The following ELAVL3 variants were observed in gnomAD, a reference collection of about 807,000 sequenced individuals.
The protein encoded by ELAVL3 is ELAV-like protein 3.
ELAVL3 carries 8 observed loss-of-function variants against 34.2 expected under a neutral mutation model. The observed-to-expected ratio is 0.23, with a 90% CI of 0.14 to 0.42. ELAVL3 has a LOEUF of 0.42. Among genes scored for constraint, ELAVL3 ranks in the 10% least tolerant of loss-of-function variants. The pLI is 1.00. For synonymous variants in ELAVL3, 209 were observed against 222.1 expected (o/e 0.94, Z 0.53); for missense variants, 273 against 518.8 (o/e 0.53, Z 4.60).
intron 1 of ELAVL3, among the ~76,000 whole-genome samples, chr19:11,469,116 C>T (rs113354276): frequency 0.011 from 1,734 of 152,006 alleles, 32 homozygotes; most frequent in African/African-American, 0.039. Flanking sequence ...TTAGTAGAGA[C>T]GGGGTTTTGG....
At chr19:11,461,179 T>TA (rs555482832) in intron 3 of ELAVL3, among the ~76,000 whole-genome samples, 6,325 of 143,086 alleles carry the variant, frequency 0.044, 178 homozygotes, top group East Asian at 0.14. Flanking sequence ...ACCCTGTCTC[T>TA]AAAAAAAAAA....
chr19:11,469,302 C>A (rs970500892), intron 1 of ELAVL3, among the ~76,000 whole-genome samples: 1 of 151,432 alleles, frequency 6.6e-6, no homozygotes, highest in South Asian at 2.1e-4. Context: ...GGAGGGGGGA[C>A]GGAGTTTCGC....
chr19:11,468,778 A>T (rs1162263705), intron 1 of ELAVL3, among the ~76,000 whole-genome samples: 1 of 152,008 alleles, frequency 6.6e-6, no homozygotes, highest in Non-Finnish European at 1.5e-5. Context: ...GCCAAACATG[A>T]TCTTTGCTAT....
chr19:11,455,679 C>T (rs933737589), intron 6 of ELAVL3, among the ~76,000 whole-genome samples: 2 of 152,120 alleles, frequency 1.3e-5, no homozygotes, highest in African/African-American at 4.8e-5. Flanking sequence ...GCAATCCTAC[C>T]ACCTTGGAGT....
chr19:11,478,495 C>G (rs2144918140), intron 1 of ELAVL3, among the ~76,000 whole-genome samples: 1 of 152,182 alleles, frequency 6.6e-6, no homozygotes, highest in South Asian at 2.1e-4. Flanking sequence ...GCGACTGGCC[C>G]CAGACAGAGA....
chr19:11,457,070 A>G (rs1427191968), intron 6 of ELAVL3, 40 bp downstream of exon 6: 20 of 1,022,184 alleles, frequency 2.0e-5, no homozygotes, highest in Non-Finnish European at 2.6e-5. Flanking sequence ...AGGGGCATGG[A>G]TGGTGAGGGG....
chr19:11,472,611 G>A (rs1328301449), intron 1 of ELAVL3, among the ~76,000 whole-genome samples: 1 of 151,586 alleles, frequency 6.6e-6, no homozygotes, highest in East Asian at 1.9e-4. Flanking sequence ...TGAGACAGGA[G>A]GATCACTTGA....
At chr19:11,468,134 T>G (rs1012174303) in intron 1 of ELAVL3, among the ~76,000 whole-genome samples, 14 of 152,160 alleles carry the variant, frequency 9.2e-5, no homozygotes, top group East Asian at 1.9e-4. Context: ...CTAAACATAT[T>G]TATTTGCCTC....
rs1031855535 is a variant in ELAVL3, at chr19:11,451,452, GTTC to G, written c.*3071_*3073del. On this transcript the variant is annotated 3_prime_UTR_variant, in exon 7 of 7. Coordinates refer to ENST00000359227, the MANE Select transcript of ELAVL3 (RefSeq NM_001420.4). Reference sequence around the variant, plus strand: ...AAATAGTCTAAACGCAACGCGAAGTGTTCTTGTTGGGTTTTTTTTTTTTTTTTG... The same window carrying G: ...AAATAGTCTAAACGCAACGCGAAGTGTTGTTGGGTTTTTTTTTTTTTTTTG... The G allele has an allele frequency of 9.4e-6, 1 of 106,284 alleles. No individual in the cohort carries two copies. The highest frequency in any genetic ancestry group is 1.9e-5 in the Non-Finnish European group (1 of 52,268). 6.6% of individuals were successfully genotyped at this position (106,284 alleles called of 1,614,324 possible). A position where few individuals can be genotyped will look rare whatever the true frequency, so the allele number is the denominator to read the frequency against.
chr19:11,456,811 GC>G (rs962635949), intron 6 of ELAVL3, among the ~76,000 whole-genome samples: 5 of 152,144 alleles, frequency 3.3e-5, no homozygotes, highest in African/African-American at 1.2e-4. Context: ...CTACAGGCAT[GC>G]ACCACCGTAT....
intron 3 of ELAVL3, among the ~76,000 whole-genome samples, chr19:11,464,119 CTCTG>C (rs1568381877): frequency 7.9e-6 from 1 of 125,814 alleles, no homozygotes; most frequent in Non-Finnish European, 1.6e-5. Flanking sequence ...CTCTGTCTCT[CTCTG>C]TCTCTCTCTC....
intron 1 of ELAVL3, among the ~76,000 whole-genome samples, chr19:11,478,490 T>G (rs1003769719): frequency 1.3e-5 from 2 of 152,162 alleles, no homozygotes; most frequent in African/African-American, 4.8e-5. Context: ...CTTCGGCGAC[T>G]GGCCCCAGAC....
chr19:11,476,301 G>T (rs1488140864), intron 1 of ELAVL3, among the ~76,000 whole-genome samples: 2 of 152,258 alleles, frequency 1.3e-5, no homozygotes, highest in East Asian at 3.9e-4. Flanking sequence ...TGACTGGGGA[G>T]GCTGAGACAG....
Position 11,463,360 on chromosome 19 carries a change from G to A in ELAVL3, c.333+2812C>T, listed in dbSNP as rs556616479. 3.1e-3 allele frequency among the ~76,000 whole-genome samples: 473 copies of A among 152,310 alleles called. 1 individual carries two copies. The highest frequency in any genetic ancestry group is 6.8e-3 in the Middle Eastern group (2 of 294). ...CAAAAACACCCAGGGACAGACAGAA[G>A]GCCATGCAGTGCCGCCCCGCTGCAC... On this transcript the variant is annotated intron_variant, in intron 3 of 6. Coordinates refer to ENST00000359227, the MANE Select transcript of ELAVL3 (RefSeq NM_001420.4).
In ELAVL3 at chr19:11,465,589, C is replaced by CA. The variant is rs1463224409; in HGVS notation, c.333+582_333+583insT. Among the ~76,000 whole-genome samples, 911 of 127,772 alleles carry CA rather than the reference C, an allele frequency of 7.1e-3. 7 individuals are homozygous for CA. Among genetic ancestry groups the CA allele is most frequent in the African/African-American group, 0.042 (871 of 20,786 alleles). 83.8% of individuals were successfully genotyped at this position (127,772 alleles called of 152,430 possible). On this transcript the variant is annotated intron_variant, in intron 3 of 6. Coordinates refer to ENST00000359227, the MANE Select transcript of ELAVL3 (RefSeq NM_001420.4). Reference sequence around the variant, plus strand: ...GTTGAACTGGGGGCCAGATGGGCCACCCCCCCGACCCTGGCTTCCTCCAGG... The same window carrying CA: ...GTTGAACTGGGGGCCAGATGGGCCACACCCCCCGACCCTGGCTTCCTCCAGG...
intron 3 of ELAVL3, among the ~76,000 whole-genome samples, chr19:11,463,712 T>A (rs1970939542): frequency 6.6e-6 from 1 of 151,906 alleles, no homozygotes. Flanking sequence ...TGGCTCACAC[T>A]TGTAATCCCA....
chr19:11,458,681 T>C lies in ELAVL3; in HGVS notation c.334-70A>G. 5 of 1,574,976 alleles carry C rather than the reference T, an allele frequency of 3.2e-6. No homozygotes were observed. The highest frequency in any genetic ancestry group is 3.4e-5 in the Admixed American group (2 of 58,594). Reference sequence around the variant, plus strand: ...TTCACAGATGGAGAGAGTGAGGCCATGTCTAAACCATCACGGAGTTAGCAG... The same window carrying C: ...TTCACAGATGGAGAGAGTGAGGCCACGTCTAAACCATCACGGAGTTAGCAG... On this transcript the variant is annotated intron_variant, in intron 3 of 6. Coordinates refer to ENST00000359227, the MANE Select transcript of ELAVL3 (RefSeq NM_001420.4). The surrounding 1 kb of genome is among the most constrained non-coding windows in gnomAD (Gnocchi z 7.3).
In ELAVL3 at chr19:11,466,969, G is replaced by T; in HGVS notation, c.10-142C>A. 1 of 648,348 alleles carries T rather than the reference G, an allele frequency of 1.5e-6. No homozygotes were observed. The highest frequency in any genetic ancestry group is 2.6e-6 in the Non-Finnish European group (1 of 379,302). The allele number at this position is 648,348 out of a possible 1,614,324, so 40.2% of individuals were successfully genotyped here. A position where few individuals can be genotyped will look rare whatever the true frequency, so the allele number is the denominator to read the frequency against. On this transcript the variant is annotated intron_variant, in intron 1 of 6. Coordinates refer to ENST00000359227, the MANE Select transcript of ELAVL3 (RefSeq NM_001420.4). This position sits in a 1 kb window ranked among gnomAD's most constrained non-coding sequence, Gnocchi z 5.0. Reference sequence around the variant, plus strand: ...GGGGTCACTTTATTATTCTAATGATGGGAATAATGATGGGATTCCATATAT... The same window carrying T: ...GGGGTCACTTTATTATTCTAATGATTGGAATAATGATGGGATTCCATATAT...
At chr19:11,457,241 G>T in intron 5 of ELAVL3, 93 bp from the exon 6 acceptor site, 1 of 1,180,938 alleles carries the variant, frequency 8.5e-7, no homozygotes, top group Non-Finnish European at 1.1e-6. Flanking sequence ...CCACCCAACA[G>T]GCCTGCAGCA....
Sources: allele counts gnomAD v4.1 joint callset (sites outside exome capture counted in the v4.1 genomes callset), GRCh38; gene constraint gnomAD v4.1.1; non-coding constraint Gnocchi (gnomAD v3.1); transcripts MANE v1.5; gene names NCBI Gene and HGNC (gene_info 2026-07-23, HGNC 2026-07-21).